The following GRB2 variants were observed in gnomAD, a reference collection of about 807,000 sequenced individuals.
GRB2 encodes the protein growth factor receptor-bound protein 2.
A neutral mutation model predicts 27.4 loss-of-function variants in GRB2; 2 were observed. The observed-to-expected ratio is 0.07, with a 90% CI of 0.03 to 0.23. The LOEUF (loss-of-function observed/expected upper bound fraction) is 0.23, where lower values mean the gene tolerates loss of function less well. Ranked by LOEUF, GRB2 falls within the 10% of genes least tolerant of loss-of-function variation. GRB2 has a pLI of 1.00. For missense variants in GRB2, 102 were observed against 282.4 expected (o/e 0.36, Z 4.58); for synonymous variants, 94 against 99.6 (o/e 0.94, Z 0.33).
chr17:75,383,207 A>T (rs916185544), intron 2 of GRB2, among the ~76,000 whole-genome samples: 3 of 152,184 alleles, frequency 2.0e-5, no homozygotes, highest in Non-Finnish European at 4.4e-5. Context: ...AGCCAATTGC[A>T]CAATCCCAAA....
intron 2 of GRB2, among the ~76,000 whole-genome samples, chr17:75,376,705 C>T (rs868679950): frequency 6.6e-6 from 1 of 151,904 alleles, no homozygotes; most frequent in South Asian, 2.1e-4. Flanking sequence ...TCCTAAAAAC[C>T]TTTCACAGGC....
rs536270028 is a variant in GRB2 at position 75,339,042 on chromosome 17, C to T, written c.79-6245G>A. The T allele has an allele frequency of 1.3e-4, 161 of 1,262,004 alleles. 2 individuals carry two copies. The highest frequency in any genetic ancestry group is 3.7e-4 in the South Asian group (31 of 83,766). 78.2% of individuals were successfully genotyped at this position (1,262,004 alleles called of 1,614,324 possible). ...AGAAGACTGTGCTAAGGCTTGAGTGCGTTGAGCCCAACTGCAGATCTAAGA... is the reference window on the plus strand; with the variant it reads ...AGAAGACTGTGCTAAGGCTTGAGTGTGTTGAGCCCAACTGCAGATCTAAGA... On this transcript the variant is annotated intron_variant, in intron 2 of 5. Coordinates refer to ENST00000316804, the MANE Select transcript of GRB2 (RefSeq NM_002086.5).
intron 2 of GRB2, among the ~76,000 whole-genome samples, chr17:75,349,507 A>C (rs1230191220): frequency 8.4e-5 from 7 of 83,164 alleles, no homozygotes; most frequent in Non-Finnish European, 9.0e-5. Context: ...CATAACTCAG[A>C]CTTTTTTTTT....
At chr17:75,384,815 T>A (rs2078951764) in intron 2 of GRB2, among the ~76,000 whole-genome samples, 1 of 151,790 alleles carries the variant, frequency 6.6e-6, no homozygotes, top group South Asian at 2.1e-4. Flanking sequence ...GAAAGAGATC[T>A]ATGTATATGA....
chr17:75,324,462 G>A (rs1259620829), intron 4 of GRB2, among the ~76,000 whole-genome samples: 3 of 140,544 alleles, frequency 2.1e-5, no homozygotes, highest in Admixed American at 7.4e-5. Flanking sequence ...TGCCTGCCTC[G>A]GCCTCCCAAA....
At position 75,383,236 on chromosome 17, in the gene GRB2, A is replaced by C. The variant is rs193098474; in HGVS notation, c.78+10315T>G. 1.4e-4 allele frequency among the ~76,000 whole-genome samples: 22 copies of C among 152,276 alleles called. No individual in the cohort carries two copies. The East Asian group carries it at 4.0e-3, about 28-fold the overall frequency. On this transcript the variant is annotated intron_variant, in intron 2 of 5. Transcript: ENST00000316804. ...TCCCAAAGCTTCGGTAAACTACAGA[A>C]ACTTACAAAAGAGGCCCCCAGTAGG...
intron 2 of GRB2, among the ~76,000 whole-genome samples, chr17:75,333,078 G>GT (rs2078551729): frequency 6.9e-6 from 1 of 145,154 alleles, no homozygotes; most frequent in African/African-American, 2.7e-5. Flanking sequence ...GCAAGTATTA[G>GT]TTGTTTTTTT....
At chr17:75,350,734 C>T (rs1402303501) in intron 2 of GRB2, among the ~76,000 whole-genome samples, 8 of 152,136 alleles carry the variant, frequency 5.3e-5, no homozygotes, top group Non-Finnish European at 7.3e-5. Context: ...CCTCGTGATC[C>T]GCCCACCTTG....
At chr17:75,357,313 T>C (rs925046923) in intron 2 of GRB2, among the ~76,000 whole-genome samples, 2 of 152,188 alleles carry the variant, frequency 1.3e-5, no homozygotes, top group Non-Finnish European at 1.5e-5. Context: ...GATGGGACCG[T>C]AGAACAGAGA....
chr17:75,389,736 C>CT (rs1388369152), intron 2 of GRB2, among the ~76,000 whole-genome samples: 1 of 152,054 alleles, frequency 6.6e-6, no homozygotes, highest in Non-Finnish European at 1.5e-5. Flanking sequence ...GTCCCAGCTA[C>CT]TGGGAGGCTG....
At position 75,399,671 on chromosome 17, in the gene GRB2, ATTAT is replaced by A. The variant is rs902196270; in HGVS notation, c.-138+5814_-138+5817del. ...CGTGAGCCACCGCGCCCGACCAACA[ATTAT>A]TTATTTATTTTTTTGAGACAGAGTC... On this transcript the variant is annotated intron_variant, in intron 1 of 5. Coordinates refer to ENST00000316804, the MANE Select transcript of GRB2 (RefSeq NM_002086.5). 7.7e-5 allele frequency among the ~76,000 whole-genome samples: 9 copies of A among 117,570 alleles called. No homozygotes were observed. In the East Asian group the frequency reaches 1.2e-3, roughly 16 times the overall value. 77.1% of individuals were successfully genotyped at this position (117,570 alleles called of 152,430 possible). A position where few individuals can be genotyped will look rare whatever the true frequency, so the allele number is the denominator to read the frequency against.
chr17:75,354,056 C>A (rs1018818719), intron 2 of GRB2, among the ~76,000 whole-genome samples: 12 of 151,138 alleles, frequency 7.9e-5, no homozygotes, highest in Admixed American at 2.6e-4. Flanking sequence ...AAAACAAAAA[C>A]GAAAGGGTGC....
At chr17:75,328,277 CTG>C (rs2078513634) in intron 3 of GRB2, among the ~76,000 whole-genome samples, 1 of 149,928 alleles carries the variant, frequency 6.7e-6, no homozygotes, top group Admixed American at 6.7e-5. Context: ...TGAGCCGAGA[CTG>C]TGCCACCGCA....
chr17:75,376,670 G>GAGT (rs1555612145), intron 2 of GRB2, among the ~76,000 whole-genome samples: 2 of 152,036 alleles, frequency 1.3e-5, no homozygotes, highest in Non-Finnish European at 2.9e-5. Flanking sequence ...GTATGAGGAG[G>GAGT]AGTACCCTTC....
At chr17:75,343,360 G>A (rs555809279) in intron 2 of GRB2, among the ~76,000 whole-genome samples, 2 of 152,196 alleles carry the variant, frequency 1.3e-5, no homozygotes, top group East Asian at 3.9e-4. Flanking sequence ...TTCACCCACT[G>A]ACCAGCAACT....
intron 4 of GRB2, among the ~76,000 whole-genome samples, chr17:75,322,496 GGAA>G (rs1166788206): frequency 6.6e-6 from 1 of 152,030 alleles, no homozygotes; most frequent in East Asian, 1.9e-4. Flanking sequence ...CTTATATGCA[GGAA>G]GAAGGTGAGG....
At chr17:75,325,857 C>G in intron 4 of GRB2, 41 bp downstream of exon 4, 3 of 1,609,854 alleles carry the variant, frequency 1.9e-6, no homozygotes, top group Non-Finnish European at 8.5e-7. Context: ...TTGGATCAGT[C>G]AGAGACAGGA....
chr17:75,375,052 C>T (rs760481388), intron 2 of GRB2, among the ~76,000 whole-genome samples: 3 of 152,036 alleles, frequency 2.0e-5, no homozygotes, highest in Admixed American at 6.6e-5. Flanking sequence ...TGTGCCACCA[C>T]GATTGGCTAA....
At chr17:75,377,089 G>C (rs533225994) in intron 2 of GRB2, among the ~76,000 whole-genome samples, 10 of 151,320 alleles carry the variant, frequency 6.6e-5, no homozygotes, top group Non-Finnish European at 1.2e-4. Flanking sequence ...GGCTGAGATG[G>C]GAGGATCACT....
Sources: gnomAD v4.1 joint callset for allele counts (sites outside exome capture counted in the v4.1 genomes callset) on GRCh38, gnomAD v4.1.1 for gene constraint, MANE v1.5 for transcripts, NCBI Gene and HGNC (gene_info 2026-07-23, HGNC 2026-07-21) for gene names.